Variants in COL4A4 observed in about 807,000 individuals in gnomAD.
COL4A4 encodes collagen alpha-4(IV) chain.
In COL4A4, 105 loss-of-function variants were observed where a neutral mutation model predicts 192.9. The ratio of observed to expected loss-of-function variants is 0.54; its 90% confidence interval spans 0.46 to 0.64. The LOEUF (loss-of-function observed/expected upper bound fraction) is 0.64, where lower values mean the gene tolerates loss of function less well. Among genes scored for constraint, COL4A4 ranks in the 30% least tolerant of loss-of-function variants. The pLI, the probability that COL4A4 is intolerant of heterozygous loss-of-function variation, is 0.00. For synonymous variants in COL4A4, 762 were observed against 769.9 expected (o/e 0.99, Z 0.17); for missense variants, 1,967 against 2,169.3 (o/e 0.91, Z 1.85).
intron 7 of COL4A4, among the ~76,000 whole-genome samples, chr2:227,116,981 C>T (rs80096719): frequency 0.035 from 5,380 of 152,282 alleles, 303 homozygotes; most frequent in African/African-American, 0.12. Flanking sequence ...GTTCTCAATG[C>T]TTCAAATTAC....
At position 227,114,654 on chromosome 2, in the gene COL4A4, T is replaced by G. The variant is rs1421795484; in HGVS notation, c.532A>C (p.Ile178Leu). Residue 178 changes from isoleucine to leucine, a missense_variant, in exon 8 of 48, where the codon ATT becomes CTT. Physicochemically the swap from Ile to Leu is conservative, Grantham distance 5 (BLOSUM62 2). Transcript: ENST00000396625. ...EKGEKGNSVF[I>L]LGAVKGIQGD... ...TGAATACCTTTAACGGCACCTAAAA[T>G]GAACACTGAATTTCCTTTTTCTCCC... The G allele has an allele frequency of 1.9e-6, 3 of 1,613,994 alleles. No homozygotes were observed. The highest frequency in any genetic ancestry group is 2.5e-6 in the Non-Finnish European group (3 of 1,179,950).
At chr2:227,041,855 A>G (rs1028125231) in intron 37 of COL4A4, among the ~76,000 whole-genome samples, 9 of 110,408 alleles carry the variant, frequency 8.2e-5, no homozygotes, top group African/African-American at 3.4e-4. Context: ...AAAGAGAAAG[A>G]AAGAAAGAAA....
At chr2:227,016,592 A>C (rs1268987910) in intron 44 of COL4A4, among the ~76,000 whole-genome samples, 1 of 152,138 alleles carries the variant, frequency 6.6e-6, no homozygotes, top group Non-Finnish European at 1.5e-5. Context: ...TGTTCAGGTA[A>C]TGAGGTAGAT....
At chr2:227,045,145 CTGACTGA>C (rs1972182349) in intron 35 of COL4A4, among the ~76,000 whole-genome samples, 1 of 152,142 alleles carries the variant, frequency 6.6e-6, no homozygotes, top group South Asian at 2.1e-4. Flanking sequence ...TCATGTTTTG[CTGACTGA>C]TGATGGTGAT....
rs74987827 is a variant in COL4A4 at position 227,092,566 on chromosome 2, T to C, written c.1369+1559A>G. Among the ~76,000 whole-genome samples, 34 of 152,152 alleles carry C rather than the reference T, an allele frequency of 2.2e-4. No homozygotes were observed. In the East Asian group the frequency reaches 6.2e-3, roughly 28 times the overall value. On this transcript the variant is annotated intron_variant, in intron 20 of 47. Transcript: ENST00000396625. ...TAATAGAATAGTTAATGAGTTAGAG[T>C]GTATAATGATGAAATTTAGATAATT... is the stretch of plus-strand genomic sequence containing the variant.
chr2:227,003,986 C>G lies in COL4A4; in HGVS notation c.*3339G>C, dbSNP rs547955221. On this transcript the variant is annotated 3_prime_UTR_variant, in exon 48 of 48. Transcript: ENST00000396625. ...ATAGGAAATGGTTTATACTTGTAACCGTCTTGCTGATGAAGACCTTATATG... is the reference window on the plus strand; with the variant it reads ...ATAGGAAATGGTTTATACTTGTAACGGTCTTGCTGATGAAGACCTTATATG... 1 of 152,084 alleles carries G rather than the reference C, an allele frequency of 6.6e-6. No homozygotes were observed. The highest frequency in any genetic ancestry group is 2.4e-5 in the African/African-American group (1 of 41,396). The allele number at this position is 152,084 out of a possible 1,614,324, so 9.4% of individuals were successfully genotyped here.
At chr2:227,082,515 A>T (rs2059377394) in intron 22 of COL4A4, among the ~76,000 whole-genome samples, 1 of 152,222 alleles carries the variant, frequency 6.6e-6, no homozygotes, top group African/African-American at 2.4e-5. Context: ...TCACTGGGGA[A>T]GCTGGGGAAG....
At chr2:227,131,343 G>A (rs1239108394) in intron 4 of COL4A4, among the ~76,000 whole-genome samples, 3 of 151,924 alleles carry the variant, frequency 2.0e-5, no homozygotes, top group African/African-American at 4.8e-5. Context: ...TTTTAGTAGA[G>A]ACAGGTTTTC....
intron 4 of COL4A4, among the ~76,000 whole-genome samples, chr2:227,138,695 A>C (rs866110310): frequency 1.2e-4 from 19 of 152,294 alleles, no homozygotes; most frequent in African/African-American, 4.3e-4. Flanking sequence ...TTTTTGATGT[A>C]CTGAAGAAGG....
In COL4A4 at chr2:227,005,737, TCTC is replaced by T. The variant is rs1375949769; in HGVS notation, c.*1585_*1587del. On this transcript the variant is annotated 3_prime_UTR_variant, in exon 48 of 48. Transcript: ENST00000396625. ...AACAAAATTTTAATTGAGTTTTTCT[TCTC>T]AATTATTTTTAAGTGCACGGAAACA... 2.6e-5 allele frequency: 4 copies of T among 152,198 alleles called. No individual in the cohort carries two copies. Among genetic ancestry groups the T allele is most frequent in the African/African-American group, 9.7e-5 (4 of 41,434 alleles). The allele number at this position is 152,198 out of a possible 1,614,324, so 9.4% of individuals were successfully genotyped here.
At chr2:227,095,157 A>G (rs2060143574) in intron 19 of COL4A4, among the ~76,000 whole-genome samples, 1 of 152,236 alleles carries the variant, frequency 6.6e-6, no homozygotes, top group Non-Finnish European at 1.5e-5. Context: ...ATTTGATTTA[A>G]TTAAATGATT....
chr2:226,974,119 A>G, the COL4A4 span, among the ~76,000 whole-genome samples: 2 of 152,220 alleles, frequency 1.3e-5, no homozygotes, highest in Non-Finnish European at 2.9e-5. Flanking sequence ...GTAACACTTC[A>G]AAGAAATAAT....
chr2:226,974,838 C>T, the COL4A4 span, among the ~76,000 whole-genome samples: 1 of 152,174 alleles, frequency 6.6e-6, no homozygotes, highest in Non-Finnish European at 1.5e-5. Context: ...AATTGGAGAT[C>T]ACTCTTTTCA....
intron 37 of COL4A4, among the ~76,000 whole-genome samples, chr2:227,034,551 T>TTTAA (rs1289560959): frequency 4.7e-5 from 7 of 148,576 alleles, no homozygotes; most frequent in Admixed American, 2.7e-4. Context: ...CTTTTTTTTT[T>TTTAA]TTAATTAATT....
At chr2:227,112,249 A>C (rs1345424443) in intron 8 of COL4A4, among the ~76,000 whole-genome samples, 1 of 151,780 alleles carries the variant, frequency 6.6e-6, no homozygotes, top group Non-Finnish European at 1.5e-5. Flanking sequence ...AAATATATGT[A>C]AGTTAAAATA....
rs556206594 is a variant in COL4A4, at chr2:227,049,964, T to C, written c.3214+104A>G. On this transcript the variant is annotated intron_variant, in intron 34 of 47. Coordinates refer to ENST00000396625, the MANE Select transcript of COL4A4 (RefSeq NM_000092.5). The stretch of plus-strand genomic sequence containing the variant: ...CAAGAGCCCCTTGGGTGTTGCAGTT[T>C]CTTTGATACACTTTGCTTATCATGT... 8.9e-4 allele frequency: 971 copies of C among 1,089,228 alleles called. 11 individuals carry two copies. The highest frequency in any genetic ancestry group is 8.0e-3 in the South Asian group (642 of 79,830). The allele number at this position is 1,089,228 out of a possible 1,614,324, so 67.5% of individuals were successfully genotyped here. A position where few individuals can be genotyped will look rare whatever the true frequency, so the allele number is the denominator to read the frequency against.
chr2:227,131,225 GGCCCACTGCAGCCTCT>G (rs2062444443), intron 4 of COL4A4, among the ~76,000 whole-genome samples: 1 of 149,898 alleles, frequency 6.7e-6, no homozygotes, highest in African/African-American at 2.5e-5. Flanking sequence ...GCACGATCTC[GGCCCACTGCAGCCTCT>G]GCCTCCCAGG....
intron 3 of COL4A4, among the ~76,000 whole-genome samples, chr2:227,143,429 G>T (rs145727602): frequency 6.6e-6 from 1 of 152,056 alleles, no homozygotes; most frequent in South Asian, 2.1e-4. Context: ...CACAGACATC[G>T]CATCGATTTG....
intron 12 of COL4A4, among the ~76,000 whole-genome samples, chr2:227,106,257 T>C (rs978624329): frequency 6.6e-6 from 1 of 152,172 alleles, no homozygotes; most frequent in Non-Finnish European, 1.5e-5. Context: ...TAGCATGTAT[T>C]GGTAAAGATA....
Sources: allele counts gnomAD v4.1 joint callset (sites outside exome capture counted in the v4.1 genomes callset), GRCh38; gene constraint gnomAD v4.1.1; transcripts MANE v1.5; gene names NCBI Gene and HGNC (gene_info 2026-07-23, HGNC 2026-07-21).